The following VPS8 variants were observed in gnomAD, a reference collection of about 807,000 sequenced individuals.
VPS8 encodes the protein vacuolar protein sorting-associated protein 8 homolog.
A neutral mutation model predicts 216.4 loss-of-function variants in VPS8; 129 were observed. The observed-to-expected ratio is 0.60, with a 90% confidence interval of 0.52 to 0.69. The LOEUF is 0.69. Ranked by LOEUF, VPS8 falls within the 30% of genes least tolerant of loss-of-function variation. The probability of loss-of-function intolerance (pLI) is 0.00; values close to 1 mark genes in which losing one functional copy is unlikely to be tolerated. For missense variants in VPS8, 1,531 were observed against 1,683.5 expected, an observed-to-expected ratio of 0.91 and a Z score of 1.59; for synonymous variants, 571 against 565.4, an observed-to-expected ratio of 1.01 and a Z score of -0.14.
intron 42 of VPS8, among the ~76,000 whole-genome samples, chr3:184,992,687 A>G (rs1469978307): frequency 6.6e-6 from 1 of 152,126 alleles, no homozygotes; most frequent in Non-Finnish European, 1.5e-5. Context: ...CCTATTTGGC[A>G]TGGAAAAGAG....
intron 22 of VPS8, chr3:184,893,478 C>G (rs1373163905): frequency 7.9e-6 from 4 of 506,428 alleles, no homozygotes; most frequent in Non-Finnish European, 1.1e-5. Flanking sequence ...GTGAATGATA[C>G]AAGGCAATAC....
chr3:184,845,524 C>T (rs577509570), intron 8 of VPS8, among the ~76,000 whole-genome samples: 2 of 152,252 alleles, frequency 1.3e-5, no homozygotes, highest in East Asian at 3.9e-4. Flanking sequence ...CTTTGGGAGG[C>T]TGAGGCAGGT....
intron 38 of VPS8, among the ~76,000 whole-genome samples, chr3:184,964,975 T>C (rs1384667742): frequency 6.6e-6 from 1 of 152,204 alleles, no homozygotes; most frequent in East Asian, 1.9e-4. Context: ...TTGGATCAAA[T>C]AGCAATTCTA....
chr3:184,990,734 T>C (rs1285528349), intron 42 of VPS8, among the ~76,000 whole-genome samples: 12 of 152,186 alleles, frequency 7.9e-5, no homozygotes, highest in Admixed American at 7.9e-4. Flanking sequence ...GCGTTTCTCA[T>C]ACCCACCTCA....
In VPS8 at chr3:184,920,208, CA is replaced by C. The variant is rs767540921; in HGVS notation, c.2454+13del. The C allele has an allele frequency of 1.3e-6, 2 of 1,493,718 alleles. No homozygotes were observed. Among genetic ancestry groups the C allele is most frequent in the Non-Finnish European group, 1.8e-6 (2 of 1,112,106 alleles). The allele number at this position is 1,493,718 out of a possible 1,614,324, so 92.5% of individuals were successfully genotyped here. On this transcript the variant is annotated intron_variant, in intron 29 of 47. Transcript: ENST00000625842. ...GGATATTTTGTTGAAAGTAAGTATT[CA>C]AAGAATACATGTCTTTATATTGATA... is the stretch of plus-strand genomic sequence containing the variant.
At chr3:184,933,245 C>T (rs755530117) in intron 34 of VPS8, among the ~76,000 whole-genome samples, 2 of 152,168 alleles carry the variant, frequency 1.3e-5, no homozygotes, top group Admixed American at 6.5e-5. Flanking sequence ...TTAAATCTTT[C>T]CCAATCTAGT....
chr3:184,894,554 C>T (rs1045935863), intron 22 of VPS8, 149 bp from the exon 23 acceptor site: 7 of 423,742 alleles, frequency 1.7e-5, no homozygotes, highest in Non-Finnish European at 3.0e-5. Flanking sequence ...AAAGTTTTTG[C>T]AGTATAAAAC....
At chr3:184,903,615 T>TA (rs530620639) in intron 25 of VPS8, among the ~76,000 whole-genome samples, 8,199 of 147,528 alleles carry the variant, frequency 0.056, 693 homozygotes, top group African/African-American at 0.18. Flanking sequence ...CCTGCTGAAT[T>TA]AAAAAAAAAA....
intron 8 of VPS8, among the ~76,000 whole-genome samples, chr3:184,848,647 C>A (rs1723639968): frequency 6.9e-6 from 1 of 145,062 alleles, no homozygotes; most frequent in Non-Finnish European, 1.5e-5. Context: ...CAGCTGACTG[C>A]AACCTCTGCC....
At chr3:184,859,433 A>G in intron 14 of VPS8, among the ~76,000 whole-genome samples, 1 of 152,170 alleles carries the variant, frequency 6.6e-6, no homozygotes. Flanking sequence ...ATCCTTTTTA[A>G]TGCCTCAAAC....
intron 40 of VPS8, among the ~76,000 whole-genome samples, chr3:184,980,637 G>A (rs1750047998): frequency 6.6e-6 from 1 of 152,078 alleles, no homozygotes; most frequent in Non-Finnish European, 1.5e-5. Flanking sequence ...TGTATTACAT[G>A]ATTCTTGCAG....
At chr3:184,857,793 T>A (rs920115195) in intron 14 of VPS8, among the ~76,000 whole-genome samples, 4 of 152,188 alleles carry the variant, frequency 2.6e-5, no homozygotes, top group African/African-American at 9.7e-5. Context: ...TATTTTAGTA[T>A]CTGTGGACCA....
At chr3:184,987,416 ATT>A (rs55959517) in intron 42 of VPS8, among the ~76,000 whole-genome samples, 58 of 150,072 alleles carry the variant, frequency 3.9e-4, no homozygotes, top group Middle Eastern at 3.4e-3. Flanking sequence ...GCCCACACTG[ATT>A]TTTTTTTTTT....
At chr3:184,836,985 T>G (rs1721214082) in intron 5 of VPS8, among the ~76,000 whole-genome samples, 1 of 152,210 alleles carries the variant, frequency 6.6e-6, no homozygotes, top group Admixed American at 6.5e-5. Context: ...ATACTAGAGA[T>G]AGCTTAGTGT....
chr3:184,846,103 G>C (rs937672861), intron 8 of VPS8, among the ~76,000 whole-genome samples: 1 of 152,182 alleles, frequency 6.6e-6, no homozygotes, highest in Non-Finnish European at 1.5e-5. Context: ...ACATACTGTA[G>C]TTGTAAGGCT....
At chr3:184,866,551 T>C (rs773885204) in intron 16 of VPS8, among the ~76,000 whole-genome samples, 2 of 152,210 alleles carry the variant, frequency 1.3e-5, no homozygotes, top group African/African-American at 4.8e-5. Flanking sequence ...GTGTGTTATA[T>C]CTCAGTACTG....
chr3:184,952,768 C>T (rs1198737579), intron 36 of VPS8, among the ~76,000 whole-genome samples: 1 of 152,156 alleles, frequency 6.6e-6, no homozygotes, highest in Non-Finnish European at 1.5e-5. Flanking sequence ...GCAGATGACA[C>T]GAAAACCCTC....
At chr3:185,042,985 G>GACCAACACC (rs1712026265) in intron 46 of VPS8, among the ~76,000 whole-genome samples, 1 of 152,082 alleles carries the variant, frequency 6.6e-6, no homozygotes, top group Non-Finnish European at 1.5e-5. Context: ...CCAAACAGAA[G>GACCAACACC]ATACTTAGGT....
intron 25 of VPS8, among the ~76,000 whole-genome samples, chr3:184,911,527 TC>T (rs747436337): frequency 5.3e-5 from 8 of 152,226 alleles, no homozygotes; most frequent in Non-Finnish European, 8.8e-5. Context: ...TTTGAGAACT[TC>T]AGTGTTTAAA....
Sources: allele counts gnomAD v4.1 joint callset (sites outside exome capture counted in the v4.1 genomes callset), GRCh38; gene constraint gnomAD v4.1.1; transcripts MANE v1.5; gene names NCBI Gene and HGNC (gene_info 2026-07-23, HGNC 2026-07-21).